The following OR51B5 variants were observed in gnomAD, a reference collection of about 807,000 sequenced individuals.
OR51B5 encodes olfactory receptor 51B5.
For synonymous variants in OR51B5, 186 were observed against 144.8 expected, an observed-to-expected ratio of 1.28 and a Z score of -2.04; for missense variants, 456 against 374.6, an observed-to-expected ratio of 1.22 and a Z score of -1.79.
At chr11:5,478,769 A>C (rs886856472) in intron 1 of OR51B5, among the ~76,000 whole-genome samples, 2 of 151,340 alleles carry the variant, frequency 1.3e-5, no homozygotes, top group Non-Finnish European at 2.9e-5. Context: ...GAGCAATGGA[A>C]GATGAAATGA....
At chr11:5,463,739 G>A (rs750104068) in intron 1 of OR51B5, among the ~76,000 whole-genome samples, 3 of 152,214 alleles carry the variant, frequency 2.0e-5, no homozygotes, top group Non-Finnish European at 2.9e-5. Context: ...TGTTACATTT[G>A]AAGGACTCAG....
Position 5,458,239 on chromosome 11 carries a change from C to G in OR51B5, n.84+47330G>C, listed in dbSNP as rs1322583396. 3.3e-5 allele frequency among the ~76,000 whole-genome samples: 5 copies of G among 152,162 alleles called. No individual in the cohort carries two copies. The East Asian group carries it at 9.6e-4, about 29-fold the overall frequency. ...TTGAATAAGGAGTCTTTTGCCCACT[C>G]CTTGTTATTGTTGACTTTGTCAAAG... On this transcript the variant is annotated intron_variant and non_coding_transcript_variant, in intron 1 of 4. Transcript: ENST00000415970.
chr11:5,352,258 G>A (rs747661195), intron 1 of OR51B5: 2 of 1,614,200 alleles, frequency 1.2e-6, no homozygotes, highest in Non-Finnish European at 1.7e-6. Flanking sequence ...GGTCTTCTAT[G>A]TCACTGTAGT....
At chr11:5,392,374 C>T (rs547656658) in intron 1 of OR51B5, 2 of 152,228 alleles carry the variant, frequency 1.3e-5, no homozygotes, top group Admixed American at 6.5e-5. Flanking sequence ...AGAGGAAATT[C>T]CTATTCTATA....
intron 1 of OR51B5, among the ~76,000 whole-genome samples, chr11:5,434,279 CTCTCCCTG>C (rs577677697): frequency 7.2e-4 from 110 of 152,294 alleles, no homozygotes; most frequent in African/African-American, 2.4e-3. Flanking sequence ...AATTTGCAAG[CTCTCCCTG>C]TCTCCCTCCA....
At chr11:5,426,736 T>C (rs138695508) in intron 1 of OR51B5, among the ~76,000 whole-genome samples, 1 of 152,286 alleles carries the variant, frequency 6.6e-6, no homozygotes, top group Non-Finnish European at 1.5e-5. Flanking sequence ...CCAAGGTCTC[T>C]CTCTGTCTCC....
intron 1 of OR51B5, among the ~76,000 whole-genome samples, chr11:5,425,163 A>T (rs997357252): frequency 1.3e-5 from 2 of 152,184 alleles, no homozygotes; most frequent in East Asian, 3.9e-4. Context: ...TTCTCACAAT[A>T]GAATTTAAGT....
chr11:5,494,876 C>G (rs1229563989), intron 1 of OR51B5, among the ~76,000 whole-genome samples: 1 of 152,098 alleles, frequency 6.6e-6, no homozygotes, highest in Non-Finnish European at 1.5e-5. Flanking sequence ...GATTGAGAAA[C>G]AGAGAACAGA....
intron 1 of OR51B5, among the ~76,000 whole-genome samples, chr11:5,459,298 A>G (rs972402692): frequency 3.9e-5 from 6 of 152,214 alleles, no homozygotes; most frequent in Non-Finnish European, 7.3e-5. Flanking sequence ...TCCCAGGAAC[A>G]TAAAGCGAAC....
intron 1 of OR51B5, among the ~76,000 whole-genome samples, chr11:5,462,495 A>G (rs1208451215): frequency 6.6e-6 from 1 of 152,146 alleles, no homozygotes; most frequent in Non-Finnish European, 1.5e-5. Context: ...CCACCTACAG[A>G]CCTGATGGGC....
In OR51B5 at chr11:5,389,701, C is replaced by A. The variant is rs1225039025; in HGVS notation, n.85-42791G>T. 1.9e-6 allele frequency: 3 copies of A among 1,613,790 alleles called. No homozygotes were observed. The South Asian group carries it at 3.3e-5, about 18-fold the overall frequency. ...CTATGGGGATCTTCTGGTTTAACTC[C>A]CATAGTATCTACTTTGGAGCGTGTC... On this transcript the variant is annotated intron_variant and non_coding_transcript_variant, in intron 1 of 4. Coordinates refer to the OR51B5 transcript ENST00000415970.
intron 1 of OR51B5, among the ~76,000 whole-genome samples, chr11:5,419,265 A>C (rs1168200395): frequency 1.3e-5 from 2 of 152,206 alleles, no homozygotes; most frequent in Admixed American, 6.5e-5. Flanking sequence ...CCAGGAATGA[A>C]AATGTCTTTA....
intron 1 of OR51B5, among the ~76,000 whole-genome samples, chr11:5,412,514 G>A (rs894535289): frequency 6.6e-6 from 1 of 152,272 alleles, no homozygotes; most frequent in Non-Finnish European, 1.5e-5. Context: ...AAGCGCAAGG[G>A]GTCAGGGAGT....
intron 1 of OR51B5, chr11:5,489,131 C>T (rs780502302): frequency 1.2e-6 from 2 of 1,613,972 alleles, no homozygotes; most frequent in East Asian, 2.2e-5. Flanking sequence ...CTCAACCATG[C>T]TGTCATAGGC....
intron 1 of OR51B5, among the ~76,000 whole-genome samples, chr11:5,472,609 G>T (rs1322768659): frequency 6.6e-6 from 1 of 152,206 alleles, no homozygotes; most frequent in Non-Finnish European, 1.5e-5. Context: ...TTGAGTGAAG[G>T]ACTCCTCTGT....
chr11:5,477,235 G>A (rs935401806), intron 1 of OR51B5, among the ~76,000 whole-genome samples: 5 of 152,002 alleles, frequency 3.3e-5, no homozygotes, highest in Non-Finnish European at 4.4e-5. Context: ...AGTAGTGATG[G>A]TGGGCCCTTT....
intron 1 of OR51B5, among the ~76,000 whole-genome samples, chr11:5,502,239 A>C (rs1477106357): frequency 3.3e-5 from 5 of 152,070 alleles, no homozygotes; most frequent in Admixed American, 3.3e-4. Context: ...ATGTCTCTAC[A>C]TGGGTGACAA....
exon 1 of OR51B5, chr11:5,342,964 A>C (rs1848922959): frequency 6.2e-7 from 1 of 1,613,864 alleles, no homozygotes; most frequent in Non-Finnish European, 8.5e-7. Flanking sequence ...TGGTATCAGC[A>C]CAGGCGAGTT....
rs533761764 is a variant in OR51B5, at chr11:5,505,333, C to A, written n.84+236G>T. 3.0e-5 allele frequency: 39 copies of A among 1,303,792 alleles called. No individual in the cohort carries two copies. The African/African-American group carries it at 5.9e-4, about 20-fold the overall frequency. 80.8% of individuals were successfully genotyped at this position (1,303,792 alleles called of 1,614,324 possible). On this transcript the variant is annotated intron_variant and non_coding_transcript_variant, in intron 1 of 4. Coordinates refer to the OR51B5 transcript ENST00000415970. ...AATGTATATCTTCCCCAGTCAGAGG[C>A]AGACCCAGAGAACTCACCTCATGAA...
Sources: gnomAD v4.1 joint callset for allele counts (sites outside exome capture counted in the v4.1 genomes callset) on GRCh38, gnomAD v4.1.1 for gene constraint, MANE v1.5 for transcripts, NCBI Gene and HGNC (gene_info 2026-07-23, HGNC 2026-07-21) for gene names.